ULK4: variants seen among roughly 807,000 people sequenced by gnomAD.
ULK4 encodes the protein inactive serine/threonine-protein kinase ULK4.
In ULK4, 133 loss-of-function variants were observed where a neutral mutation model predicts 160.6. That is an observed-to-expected ratio of 0.83 (90% confidence interval 0.72 to 0.96). The LOEUF is 0.96. Among genes scored for constraint, ULK4 ranks in the 40% least tolerant of loss-of-function variants. The probability of loss-of-function intolerance (pLI) is 0.00; values close to 1 mark genes in which losing one functional copy is unlikely to be tolerated. For synonymous variants in ULK4, 534 were observed against 539.8 expected (o/e 0.99, Z 0.15); for missense variants, 1,580 against 1,499.5 (o/e 1.05, Z -0.89).
intron 7 of ULK4, among the ~76,000 whole-genome samples, chr3:41,917,382 T>G (rs961468031): frequency 6.6e-6 from 1 of 152,098 alleles, no homozygotes; most frequent in Admixed American, 6.6e-5. Context: ...TGTGCCCCTA[T>G]AGTCCCGGCT....
chr3:41,422,654 C>A (rs140583001), intron 34 of ULK4, among the ~76,000 whole-genome samples: 1 of 151,864 alleles, frequency 6.6e-6, no homozygotes, highest in African/African-American at 2.4e-5. Flanking sequence ...TTTTACCTAT[C>A]AAATGGACAA....
intron 35 of ULK4, among the ~76,000 whole-genome samples, chr3:41,365,397 A>G (rs944160423): frequency 4.6e-5 from 7 of 152,236 alleles, no homozygotes; most frequent in Admixed American, 2.6e-4. Flanking sequence ...ATGTTTTGCA[A>G]TTCTGTGGGC....
chr3:41,282,034 G>T (rs1270885838), intron 35 of ULK4, among the ~76,000 whole-genome samples: 1 of 152,082 alleles, frequency 6.6e-6, no homozygotes, highest in Non-Finnish European at 1.5e-5. Flanking sequence ...CAAATCATGA[G>T]TGAACTCCCA....
intron 17 of ULK4, among the ~76,000 whole-genome samples, chr3:41,882,609 CTACTTAA>C (rs921310572): frequency 5.9e-5 from 9 of 152,176 alleles, no homozygotes; most frequent in South Asian, 2.1e-4. Context: ...AGTATCCATC[CTACTTAA>C]TACTTATTAC....
At chr3:41,393,502 C>T (rs2081997462) in intron 35 of ULK4, among the ~76,000 whole-genome samples, 1 of 152,128 alleles carries the variant, frequency 6.6e-6, no homozygotes, top group African/African-American at 2.4e-5. Context: ...CTTCCATACT[C>T]ACTTTAAACA....
chr3:41,636,951 ATTAATC>A (rs1279663904), intron 30 of ULK4, among the ~76,000 whole-genome samples: 1 of 152,182 alleles, frequency 6.6e-6, no homozygotes, highest in African/African-American at 2.4e-5. Context: ...ACCTTTATTT[ATTAATC>A]TTAATTTTAA....
rs574203394 is a variant in ULK4 at position 41,941,357 on chromosome 3, C to CT, written c.139-3161dup. The stretch of plus-strand genomic sequence containing the variant: ...CCAGCTTGAAAAAAAAAAAAAAAAC[C>CT]TTTTTTTTTAAAGTCACATCCAAAC... On this transcript the variant is annotated intron_variant, in intron 2 of 36. Transcript: ENST00000301831. Among the ~76,000 whole-genome samples, 855 of 87,054 alleles carry CT rather than the reference C, an allele frequency of 9.8e-3. 11 individuals carry two copies. The highest frequency in any genetic ancestry group is 0.026 in the African/African-American group (818 of 31,764). The allele number at this position is 87,054 out of a possible 152,430, so 57.1% of individuals were successfully genotyped here. A position where few individuals can be genotyped will look rare whatever the true frequency, so the allele number is the denominator to read the frequency against.
chr3:41,696,090 C>T (rs1043371639), intron 27 of ULK4, among the ~76,000 whole-genome samples: 15 of 152,128 alleles, frequency 9.9e-5, no homozygotes, highest in Admixed American at 1.3e-4. Flanking sequence ...CACTACTTAG[C>T]GGAACGGGAA....
At chr3:41,775,008 T>C (rs144128788) in intron 21 of ULK4, among the ~76,000 whole-genome samples, 3,560 of 139,630 alleles carry the variant, frequency 0.025, 72 homozygotes, top group Non-Finnish European at 0.038. Flanking sequence ...CACTCATAGG[T>C]GGGAATTGAA....
intron 17 of ULK4, among the ~76,000 whole-genome samples, chr3:41,873,013 T>C (rs1177685526): frequency 6.6e-5 from 10 of 151,752 alleles, no homozygotes; most frequent in Non-Finnish European, 1.5e-4. Flanking sequence ...ATAAGCCGAG[T>C]ATGGTGGTAG....
intron 21 of ULK4, among the ~76,000 whole-genome samples, chr3:41,766,274 A>C (rs2039160742): frequency 6.6e-6 from 1 of 152,236 alleles, no homozygotes; most frequent in African/African-American, 2.4e-5. Context: ...TCTCAAAGAA[A>C]AAAATCCATT....
At chr3:41,935,567 G>A (rs890059608) in intron 4 of ULK4, among the ~76,000 whole-genome samples, 2 of 150,214 alleles carry the variant, frequency 1.3e-5, no homozygotes, top group Admixed American at 1.3e-4. Flanking sequence ...CATCATGTTG[G>A]CCAGGCTGGT....
intron 32 of ULK4, among the ~76,000 whole-genome samples, chr3:41,554,147 C>T (rs1369218802): frequency 1.3e-5 from 2 of 152,102 alleles, no homozygotes; most frequent in Non-Finnish European, 2.9e-5. Flanking sequence ...CACGGAAGTA[C>T]CGTTTGATCC....
intron 34 of ULK4, among the ~76,000 whole-genome samples, chr3:41,420,229 A>C (rs2082628945): frequency 6.6e-6 from 1 of 152,026 alleles, no homozygotes; most frequent in Admixed American, 6.5e-5. Flanking sequence ...GGTTGGTGAG[A>C]TTATAATTAC....
At chr3:41,833,545 C>T (rs2041662839) in intron 18 of ULK4, among the ~76,000 whole-genome samples, 2 of 151,996 alleles carry the variant, frequency 1.3e-5, no homozygotes, top group Admixed American at 1.3e-4. Flanking sequence ...ATCCACCTGC[C>T]TCAGCCTCCC....
In ULK4 at chr3:41,590,528, T is replaced by C. The variant is rs79805085; in HGVS notation, c.3121-24398A>G. On this transcript the variant is annotated intron_variant, in intron 31 of 36. Coordinates refer to ENST00000301831, the MANE Select transcript of ULK4 (RefSeq NM_017886.4). ...GTGTACGCCTGTAGTTCCAGCAACT[T>C]GGGTGGCTGAGACAGGAGAATTGTT... is the stretch of plus-strand genomic sequence containing the variant. 3.3e-3 allele frequency among the ~76,000 whole-genome samples: 490 copies of C among 148,882 alleles called. 3 individuals are homozygous for C. The highest frequency in any genetic ancestry group is 0.012 in the African/African-American group (468 of 40,228).
chr3:41,831,531 A>ATATATATATAGATATAT lies in ULK4; in HGVS notation c.1764+4332_1764+4333insATATATCTATATATATA. 1.9e-3 allele frequency among the ~76,000 whole-genome samples: 260 copies of ATATATATATAGATATAT among 138,122 alleles called. 4 individuals carry two copies. Among genetic ancestry groups the ATATATATATAGATATAT allele is most frequent in the African/African-American group, 6.9e-3 (242 of 35,268 alleles). 90.6% of individuals were successfully genotyped at this position (138,122 alleles called of 152,430 possible). ...TTATTGTTATTTTATATATATATAT[A>ATATATATATAGATATAT]TTTTTTTTTCTTTCTTAAACTTTAG... On this transcript the variant is annotated intron_variant, in intron 18 of 36. Transcript: ENST00000301831.
intron 35 of ULK4, among the ~76,000 whole-genome samples, chr3:41,337,925 T>C: frequency 6.6e-6 from 1 of 152,170 alleles, no homozygotes; most frequent in East Asian, 1.9e-4. Flanking sequence ...CCTTTCTGTC[T>C]AGCCTCGTCT....
At chr3:41,808,003 T>C (rs2125615825) in intron 19 of ULK4, among the ~76,000 whole-genome samples, 1 of 152,278 alleles carries the variant, frequency 6.6e-6, no homozygotes, top group African/African-American at 2.4e-5. Flanking sequence ...CACACAGAGT[T>C]GTCGTCGCGT....
Sources: gnomAD v4.1 joint callset for allele counts (sites outside exome capture counted in the v4.1 genomes callset) on GRCh38, gnomAD v4.1.1 for gene constraint, MANE v1.5 for transcripts, NCBI Gene and HGNC (gene_info 2026-07-23, HGNC 2026-07-21) for gene names.